Variants in RUNDC3B observed in about 807,000 individuals in gnomAD.
RUNDC3B encodes RUN domain containing 3B.
Under a neutral mutation model 58.4 loss-of-function variants are expected in RUNDC3B, and 33 were observed. That is an observed-to-expected ratio of 0.56 (90% CI 0.43 to 0.75). RUNDC3B has a LOEUF of 0.75. Among genes scored for constraint, RUNDC3B ranks in the 30% least tolerant of loss-of-function variants. The pLI is 0.00. For synonymous variants in RUNDC3B, 193 were observed against 195.2 expected (o/e 0.99, Z 0.10); for missense variants, 501 against 535.7 (o/e 0.94, Z 0.64).
At chr7:87,742,247 T>G (rs1172412671) in intron 6 of RUNDC3B, among the ~76,000 whole-genome samples, 1 of 152,148 alleles carries the variant, frequency 6.6e-6, no homozygotes, top group Non-Finnish European at 1.5e-5. Flanking sequence ...GTTCAGGTGG[T>G]ATTTGATTAC....
At chr7:87,679,068 C>T (rs1826656668) in intron 2 of RUNDC3B, among the ~76,000 whole-genome samples, 1 of 132,504 alleles carries the variant, frequency 7.5e-6, no homozygotes, top group Admixed American at 7.7e-5. Context: ...AGCCAACTGA[C>T]ATTTATAAAA....
rs1421140477 is a variant in RUNDC3B, at chr7:87,831,287, T to C, written c.*1257T>C. On this transcript the variant is annotated 3_prime_UTR_variant, in exon 11 of 11. Transcript: ENST00000394654. ...CACAGTACTTACTGAGGACTTCATA[T>C]GGTTTTTTTGTTTATTATTATTGAG... 2 of 152,004 alleles carry C rather than the reference T, an allele frequency of 1.3e-5. No homozygotes were observed. Among genetic ancestry groups the C allele is most frequent in the East Asian group, 3.9e-4 (2 of 5,184 alleles). The allele number at this position is 152,004 out of a possible 1,614,324, so 9.4% of individuals were successfully genotyped here. A position where few individuals can be genotyped will look rare whatever the true frequency, so the allele number is the denominator to read the frequency against.
At chr7:87,639,436 C>G (rs1264440588) in intron 1 of RUNDC3B, among the ~76,000 whole-genome samples, 3 of 151,980 alleles carry the variant, frequency 2.0e-5, no homozygotes, top group Non-Finnish European at 4.4e-5. Flanking sequence ...TGTTCATGTC[C>G]TCTGTATTCT....
At chr7:87,663,724 C>T (rs1034743008) in intron 2 of RUNDC3B, among the ~76,000 whole-genome samples, 1 of 152,094 alleles carries the variant, frequency 6.6e-6, no homozygotes, top group Admixed American at 6.6e-5. Context: ...TAACAAAATA[C>T]TACATACTGA....
rs369606244 is a variant in RUNDC3B at position 87,770,776 on chromosome 7, T to C, written c.798+27T>C. ...TATTTTAAAATTATCAAAACGTACTTAATTTTATTCTAGTTATTGCCTTTG... is the reference window on the plus strand; with the variant it reads ...TATTTTAAAATTATCAAAACGTACTCAATTTTATTCTAGTTATTGCCTTTG... On this transcript the variant is annotated intron_variant, in intron 7 of 10. Coordinates refer to ENST00000394654, the MANE Select transcript of RUNDC3B (RefSeq NM_001134405.2). The C allele has an allele frequency of 1.0e-4, 159 of 1,533,238 alleles. No individual in the cohort carries two copies. The African/African-American group carries it at 2.0e-3, about 19-fold the overall frequency. 95.0% of individuals were successfully genotyped at this position (1,533,238 alleles called of 1,614,324 possible).
intron 2 of RUNDC3B, among the ~76,000 whole-genome samples, chr7:87,661,536 C>T (rs763913087): frequency 6.6e-6 from 1 of 151,778 alleles, no homozygotes; most frequent in Non-Finnish European, 1.5e-5. Context: ...CTTTCTGTGT[C>T]TGTCTTTTGT....
intron 2 of RUNDC3B, among the ~76,000 whole-genome samples, chr7:87,673,271 G>A (rs1447473478): frequency 6.6e-6 from 1 of 152,178 alleles, no homozygotes; most frequent in Non-Finnish European, 1.5e-5. Context: ...CTTCTCTAGA[G>A]AGGTTGGGGA....
intron 2 of RUNDC3B, among the ~76,000 whole-genome samples, chr7:87,673,825 T>G (rs1419176877): frequency 6.6e-6 from 1 of 152,228 alleles, no homozygotes; most frequent in Admixed American, 6.5e-5. Flanking sequence ...TGGTTCTTTC[T>G]CATGTGTGGG....
At chr7:87,798,643 G>C (rs563810569) in intron 8 of RUNDC3B, among the ~76,000 whole-genome samples, 31 of 151,964 alleles carry the variant, frequency 2.0e-4, no homozygotes, top group African/African-American at 7.5e-4. Context: ...AAGGAGCCAG[G>C]GTTTATTTTA....
intron 6 of RUNDC3B, among the ~76,000 whole-genome samples, chr7:87,746,328 G>T (rs1832639104): frequency 6.6e-6 from 1 of 152,130 alleles, no homozygotes; most frequent in South Asian, 2.1e-4. Flanking sequence ...TTTGCTCCAA[G>T]GTATAGTTTA....
Position 87,770,504 on chromosome 7 carries a change from G to C in RUNDC3B, c.630-77G>C, listed in dbSNP as rs1022439315. 3.7e-5 allele frequency: 41 copies of C among 1,122,480 alleles called. No homozygotes were observed. In the African/African-American group the frequency reaches 4.3e-4, roughly 12 times the overall value. 69.5% of individuals were successfully genotyped at this position (1,122,480 alleles called of 1,614,324 possible). A position where few individuals can be genotyped will look rare whatever the true frequency, so the allele number is the denominator to read the frequency against. ...AATATTTTCGAATTTGTTCACCGTA[G>C]CTTGCAAATGTAAAAGTGTTTAAGA... On this transcript the variant is annotated intron_variant, in intron 6 of 10. Transcript: ENST00000394654.
At chr7:87,656,015 A>G (rs989451694) in intron 2 of RUNDC3B, among the ~76,000 whole-genome samples, 3 of 152,152 alleles carry the variant, frequency 2.0e-5, no homozygotes, top group Non-Finnish European at 2.9e-5. Flanking sequence ...GACCCTCACT[A>G]GACCCCAAAT....
At chr7:87,694,468 T>C (rs547482180) in intron 2 of RUNDC3B, among the ~76,000 whole-genome samples, 6 of 152,334 alleles carry the variant, frequency 3.9e-5, no homozygotes, top group African/African-American at 1.4e-4. Context: ...GCTTTCTGTA[T>C]TTTTTGCTTA....
rs916544454 is a variant in RUNDC3B, at chr7:87,763,467, T to C, written c.630-7114T>C. Among the ~76,000 whole-genome samples, 4 of 151,652 alleles carry C rather than the reference T, an allele frequency of 2.6e-5. No individual in the cohort carries two copies. In the East Asian group the frequency reaches 7.7e-4, roughly 29 times the overall value. ...GGGATTTGTTGGCACATCTCTAACG[T>C]TTTAGTTTTCTGAAAATATGCTTAT... is the stretch of plus-strand genomic sequence containing the variant. On this transcript the variant is annotated intron_variant, in intron 6 of 10. Transcript: ENST00000394654.
At chr7:87,786,371 G>C (rs1018084530) in intron 8 of RUNDC3B, among the ~76,000 whole-genome samples, 1 of 151,734 alleles carries the variant, frequency 6.6e-6, no homozygotes, top group African/African-American at 2.4e-5. Context: ...TATTTTTTAG[G>C]AATTTGTATT....
chr7:87,733,937 C>CTT (rs1342096980), intron 4 of RUNDC3B, among the ~76,000 whole-genome samples: 1 of 152,124 alleles, frequency 6.6e-6, no homozygotes, highest in Non-Finnish European at 1.5e-5. Context: ...ATATGAAGAA[C>CTT]TTTTACAACT....
chr7:87,644,523 A>G (rs985249388), intron 1 of RUNDC3B, among the ~76,000 whole-genome samples: 2 of 152,234 alleles, frequency 1.3e-5, no homozygotes, highest in African/African-American at 4.8e-5. Context: ...TAATGACTTT[A>G]ACCTTTGTGA....
At chr7:87,684,318 T>C (rs1446561584) in intron 2 of RUNDC3B, among the ~76,000 whole-genome samples, 1 of 152,206 alleles carries the variant, frequency 6.6e-6, no homozygotes, top group Non-Finnish European at 1.5e-5. Flanking sequence ...TTTTTGTAGA[T>C]ATAAAACTTA....
At chr7:87,814,443 C>A (rs756799848) in intron 9 of RUNDC3B, among the ~76,000 whole-genome samples, 5 of 152,126 alleles carry the variant, frequency 3.3e-5, no homozygotes, top group Non-Finnish European at 5.9e-5. Context: ...TCTTTTCTTC[C>A]TATACTAGGG....
Sources: gnomAD v4.1 joint callset for allele counts (sites outside exome capture counted in the v4.1 genomes callset) on GRCh38, gnomAD v4.1.1 for gene constraint, MANE v1.5 for transcripts, NCBI Gene and HGNC (gene_info 2026-07-23, HGNC 2026-07-21) for gene names.